Variants in PRKN observed in about 807,000 individuals in gnomAD.
PRKN encodes E3 ubiquitin-protein ligase parkin.
In PRKN, 56 loss-of-function variants were observed where a neutral mutation model predicts 59.5. The ratio of observed to expected loss-of-function variants is 0.94; its 90% CI spans 0.76 to 1.18. PRKN has a LOEUF of 1.18. PRKN is among the 50% of genes most tolerant of loss of function. The pLI is 0.00. For synonymous variants in PRKN, 250 were observed against 222.1 expected (o/e 1.13, Z -1.12); for missense variants, 657 against 596.4 (o/e 1.10, Z -1.06).
chr6:161,688,292 C>T (rs573037866), intron 7 of PRKN, among the ~76,000 whole-genome samples: 40 of 152,144 alleles, frequency 2.6e-4, no homozygotes, highest in Non-Finnish European at 4.6e-4. Flanking sequence ...TTGGCTGTTC[C>T]GGAAGAAGTG....
At chr6:161,389,231 G>A (rs1008693352) in intron 9 of PRKN, among the ~76,000 whole-genome samples, 1 of 152,156 alleles carries the variant, frequency 6.6e-6, no homozygotes, top group African/African-American at 2.4e-5. Flanking sequence ...CATGTGAACA[G>A]AGTTTTCTCC....
chr6:162,474,557 T>C (rs1791911336), intron 1 of PRKN, among the ~76,000 whole-genome samples: 1 of 152,156 alleles, frequency 6.6e-6, no homozygotes, highest in African/African-American at 2.4e-5. Flanking sequence ...TTATTGCCAA[T>C]AAATCCCATG....
At chr6:161,537,303 C>A (rs780637938) in intron 9 of PRKN, among the ~76,000 whole-genome samples, 2 of 152,140 alleles carry the variant, frequency 1.3e-5, no homozygotes, top group Non-Finnish European at 2.9e-5. Context: ...AAAAATCTAG[C>A]AAATAAAATT....
At chr6:161,858,618 C>T (rs1207230000) in intron 6 of PRKN, among the ~76,000 whole-genome samples, 7 of 151,826 alleles carry the variant, frequency 4.6e-5, no homozygotes, top group Admixed American at 1.3e-4. Flanking sequence ...TAACAGAGCC[C>T]GGGAACTTTC....
At position 161,681,625 on chromosome 6, in the gene PRKN, C is replaced by T. The variant is rs191917484; in HGVS notation, c.871+104147G>A. Among the ~76,000 whole-genome samples, 23 of 152,252 alleles carry T rather than the reference C, an allele frequency of 1.5e-4. No homozygotes were observed. The East Asian group carries it at 1.6e-3, about 10-fold the overall frequency. ...AGCCATTATCCACACTGTGCTTTGACGCCAGGTGGCTTCGCTCCTGGTTCT... is the reference window on the plus strand; with the variant it reads ...AGCCATTATCCACACTGTGCTTTGATGCCAGGTGGCTTCGCTCCTGGTTCT... On this transcript the variant is annotated intron_variant, in intron 7 of 11. Coordinates refer to ENST00000366898, the MANE Select transcript of PRKN (RefSeq NM_004562.3).
At chr6:161,492,004 A>G (rs553365966) in intron 9 of PRKN, among the ~76,000 whole-genome samples, 2 of 152,204 alleles carry the variant, frequency 1.3e-5, no homozygotes, top group South Asian at 4.1e-4. Context: ...TCCTCATAGG[A>G]TTGTTGGGAG....
chr6:162,688,120 A>C (rs1413515514), intron 1 of PRKN, among the ~76,000 whole-genome samples: 1 of 152,220 alleles, frequency 6.6e-6, no homozygotes, highest in Non-Finnish European at 1.5e-5. Flanking sequence ...GTCATAAGGT[A>C]AATGTCTCAA....
chr6:162,450,343 A>T, intron 1 of PRKN, among the ~76,000 whole-genome samples: 1 of 93,664 alleles, frequency 1.1e-5, no homozygotes, highest in African/African-American at 3.2e-5. Context: ...CTGTGATTGT[A>T]ATCCCCCTGT....
At chr6:162,244,848 A>G (rs1000726318) in intron 3 of PRKN, among the ~76,000 whole-genome samples, 1 of 152,100 alleles carries the variant, frequency 6.6e-6, no homozygotes, top group Non-Finnish European at 1.5e-5. Context: ...CTTAGCCTCA[A>G]TATCTTTTAG....
At chr6:162,218,873 T>C (rs997482574) in intron 3 of PRKN, among the ~76,000 whole-genome samples, 2 of 152,134 alleles carry the variant, frequency 1.3e-5, no homozygotes, top group Non-Finnish European at 2.9e-5. Flanking sequence ...TTGCCAACCA[T>C]ATGCCTGTTT....
chr6:162,641,637 T>C (rs1398276761), intron 1 of PRKN, among the ~76,000 whole-genome samples: 1 of 152,184 alleles, frequency 6.6e-6, no homozygotes, highest in African/African-American at 2.4e-5. Context: ...CCACACAAAG[T>C]TGAGATGCAG....
chr6:162,012,230 C>T (rs960567334), intron 5 of PRKN, among the ~76,000 whole-genome samples: 2 of 152,118 alleles, frequency 1.3e-5, no homozygotes, highest in South Asian at 4.1e-4. Context: ...AGAACAGTTG[C>T]AAAAATTGTA....
At chr6:162,540,568 G>A (rs1194471410) in intron 1 of PRKN, among the ~76,000 whole-genome samples, 1 of 152,030 alleles carries the variant, frequency 6.6e-6, no homozygotes, top group East Asian at 1.9e-4. Context: ...AGCACTCAGG[G>A]AGGCTGAGGC....
At chr6:162,406,057 T>C (rs1788052709) in intron 2 of PRKN, among the ~76,000 whole-genome samples, 1 of 152,204 alleles carries the variant, frequency 6.6e-6, no homozygotes, top group African/African-American at 2.4e-5. Context: ...GAGCATCATT[T>C]TTCCCTAGGT....
intron 1 of PRKN, among the ~76,000 whole-genome samples, chr6:162,479,778 T>C (rs1389951445): frequency 7.8e-6 from 1 of 127,850 alleles, no homozygotes; most frequent in Non-Finnish European, 1.7e-5. Flanking sequence ...TCAAAAATAA[T>C]TAGTAGGAGC....
intron 2 of PRKN, among the ~76,000 whole-genome samples, chr6:162,339,094 G>T (rs1412248953): frequency 6.9e-6 from 1 of 144,844 alleles, no homozygotes; most frequent in Non-Finnish European, 1.5e-5. Flanking sequence ...CCCTCCGACC[G>T]GCAGCCGCCC....
intron 5 of PRKN, among the ~76,000 whole-genome samples, chr6:162,035,778 G>T (rs1783815200): frequency 6.6e-6 from 1 of 152,242 alleles, no homozygotes; most frequent in Admixed American, 6.5e-5. Context: ...ATAAAAAGAT[G>T]AGATTTATTT....
intron 1 of PRKN, among the ~76,000 whole-genome samples, chr6:162,651,439 C>T (rs1778428311): frequency 6.6e-6 from 1 of 152,164 alleles, no homozygotes. Flanking sequence ...TCCATCTATT[C>T]CTGTCTTCAC....
At chr6:161,633,132 T>C (rs971079766) in intron 7 of PRKN, among the ~76,000 whole-genome samples, 2 of 152,166 alleles carry the variant, frequency 1.3e-5, no homozygotes, top group Non-Finnish European at 2.9e-5. Flanking sequence ...TGTAAAGGTA[T>C]GAAATACCTT....
Sources: allele counts gnomAD v4.1 joint callset (sites outside exome capture counted in the v4.1 genomes callset), GRCh38; gene constraint gnomAD v4.1.1; transcripts MANE v1.5; gene names NCBI Gene and HGNC (gene_info 2026-07-23, HGNC 2026-07-21).